The following MYOZ2 variants were observed in gnomAD, a reference collection of about 807,000 sequenced individuals.
MYOZ2 encodes myozenin-2.
In MYOZ2, 19 loss-of-function variants were observed where a neutral mutation model predicts 25.4. That is an observed-to-expected ratio of 0.75 (90% CI 0.52 to 1.10). The LOEUF (loss-of-function observed/expected upper bound fraction) is 1.10. MYOZ2 is among the 50% of genes least tolerant of loss of function. The pLI is 0.00. For synonymous variants in MYOZ2, 92 were observed against 106.9 expected, an observed-to-expected ratio of 0.86 and a Z score of 0.86; for missense variants, 270 against 317.9, an observed-to-expected ratio of 0.85 and a Z score of 1.15.
chr4:119,140,011 T>C (rs1741127603), intron 2 of MYOZ2, among the ~76,000 whole-genome samples: 1 of 152,152 alleles, frequency 6.6e-6, no homozygotes, highest in African/African-American at 2.4e-5. Flanking sequence ...AGGTTCTAAA[T>C]GGAGTGCTGT....
chr4:119,169,386 T>A (rs547035641), intron 5 of MYOZ2, among the ~76,000 whole-genome samples: 24 of 152,230 alleles, frequency 1.6e-4, no homozygotes, highest in Non-Finnish European at 3.1e-4. Context: ...GCTTAAATGC[T>A]TGCTAAGTGA....
At chr4:119,160,964 C>T (rs1015937254) in intron 4 of MYOZ2, among the ~76,000 whole-genome samples, 1 of 151,686 alleles carries the variant, frequency 6.6e-6, no homozygotes, top group Admixed American at 6.6e-5. Flanking sequence ...TTATAACACC[C>T]TACAGTGTTA....
chr4:119,184,835 T>G (rs13123591), intron 5 of MYOZ2, among the ~76,000 whole-genome samples: 41,715 of 152,086 alleles, frequency 0.27, 6,239 homozygotes, highest in East Asian at 0.52. Flanking sequence ...ACATACTGCT[T>G]GACCTAAAAG....
At chr4:119,140,779 A>G (rs926123796) in intron 2 of MYOZ2, among the ~76,000 whole-genome samples, 1 of 152,208 alleles carries the variant, frequency 6.6e-6, no homozygotes, top group Non-Finnish European at 1.5e-5. Flanking sequence ...AATTCAATAC[A>G]TTGGTAATGT....
At chr4:119,146,343 T>G (rs575348650) in intron 2 of MYOZ2, among the ~76,000 whole-genome samples, 24 of 152,232 alleles carry the variant, frequency 1.6e-4, no homozygotes, top group African/African-American at 5.3e-4. Context: ...TACTTTTTTC[T>G]TTTTTAACTG....
intron 5 of MYOZ2, among the ~76,000 whole-genome samples, chr4:119,181,215 C>T (rs112268828): frequency 0.033 from 5,060 of 152,182 alleles, 102 homozygotes; most frequent in South Asian, 0.051. Context: ...CAAGGAATGT[C>T]CAGGTAGCAT....
chr4:119,146,472 C>T (rs887521909), intron 2 of MYOZ2, among the ~76,000 whole-genome samples: 4 of 151,974 alleles, frequency 2.6e-5, no homozygotes, highest in Non-Finnish European at 2.9e-5. Context: ...TTTGAGACTT[C>T]CTTTTTGTCC....
At chr4:119,144,031 G>A (rs1018261985) in intron 2 of MYOZ2, among the ~76,000 whole-genome samples, 2 of 152,060 alleles carry the variant, frequency 1.3e-5, no homozygotes, top group African/African-American at 4.8e-5. Flanking sequence ...CCAGAATATT[G>A]ACATTGATAC....
intron 5 of MYOZ2, among the ~76,000 whole-genome samples, chr4:119,174,716 C>G (rs1017026750): frequency 1.3e-5 from 2 of 152,154 alleles, no homozygotes; most frequent in African/African-American, 4.8e-5. Flanking sequence ...AGAATAAAAG[C>G]AGGCTGCCCA....
chr4:119,174,066 C>A (rs1484063907), intron 5 of MYOZ2, among the ~76,000 whole-genome samples: 1 of 152,220 alleles, frequency 6.6e-6, no homozygotes, highest in Admixed American at 6.5e-5. Context: ...CCTGAGCCTC[C>A]CACCCCCTCC....
At chr4:119,165,612 G>A (rs1741806871) in intron 5 of MYOZ2, among the ~76,000 whole-genome samples, 1 of 152,134 alleles carries the variant, frequency 6.6e-6, no homozygotes, top group Non-Finnish European at 1.5e-5. Flanking sequence ...TTGCATGAAA[G>A]AGGTGTACCA....
intron 2 of MYOZ2, among the ~76,000 whole-genome samples, chr4:119,143,787 G>A (rs1741226101): frequency 1.3e-5 from 2 of 152,100 alleles, no homozygotes; most frequent in Admixed American, 1.3e-4. Flanking sequence ...ATGTCAAATA[G>A]CTGGAATCAT....
At chr4:119,157,984 T>C (rs1045223059) in intron 3 of MYOZ2, 38 bp from the exon 4 acceptor site, 1 of 1,612,366 alleles carries the variant, frequency 6.2e-7, no homozygotes. Flanking sequence ...GCTTACATTT[T>C]TGAGTTTTCA....
chr4:119,151,555 T>C (rs1741449944), intron 3 of MYOZ2, among the ~76,000 whole-genome samples: 1 of 152,072 alleles, frequency 6.6e-6, no homozygotes, highest in South Asian at 2.1e-4. Flanking sequence ...CTAGTTTGGA[T>C]ATAACTCTTT....
intron 2 of MYOZ2, among the ~76,000 whole-genome samples, chr4:119,138,073 CT>C (rs1348087185): frequency 2.0e-5 from 3 of 151,726 alleles, no homozygotes; most frequent in South Asian, 2.1e-4. Flanking sequence ...GTTTTTTTTC[CT>C]TTTTTTTATA....
At chr4:119,168,681 CAAA>C (rs900860431) in intron 5 of MYOZ2, among the ~76,000 whole-genome samples, 5 of 133,530 alleles carry the variant, frequency 3.7e-5, no homozygotes, top group African/African-American at 1.9e-4. Flanking sequence ...AAAACAACAA[CAAA>C]ACAACAACAA....
chr4:119,182,156 C>A (rs1355633012), intron 5 of MYOZ2, among the ~76,000 whole-genome samples: 1 of 152,194 alleles, frequency 6.6e-6, no homozygotes, highest in African/African-American at 2.4e-5. Context: ...TCTCATGCCA[C>A]TGAAATAATT....
intron 5 of MYOZ2, among the ~76,000 whole-genome samples, chr4:119,179,502 T>C (rs1742144558): frequency 6.6e-6 from 1 of 152,222 alleles, no homozygotes; most frequent in Admixed American, 6.5e-5. Context: ...ATAGCTCTTT[T>C]TTTTCATTAC....
chr4:119,148,324 G>C (rs1364992035), intron 2 of MYOZ2, among the ~76,000 whole-genome samples: 1 of 152,054 alleles, frequency 6.6e-6, no homozygotes, highest in Non-Finnish European at 1.5e-5. Flanking sequence ...CTTGTTGTGA[G>C]TTATTCAGGT....
Sources: allele counts gnomAD v4.1 joint callset (sites outside exome capture counted in the v4.1 genomes callset), GRCh38; gene constraint gnomAD v4.1.1; transcripts MANE v1.5; gene names NCBI Gene and HGNC (gene_info 2026-07-23, HGNC 2026-07-21).